KLRC1: variants seen among roughly 807,000 people sequenced by gnomAD.
The protein encoded by KLRC1 is killer cell lectin like receptor C1.
In KLRC1, 22 loss-of-function variants were observed where a neutral mutation model predicts 25.9. The ratio of observed to expected loss-of-function variants is 0.85; its 90% CI spans 0.61 to 1.21. The LOEUF (loss-of-function observed/expected upper bound fraction) is 1.21. KLRC1 is among the 50% of genes most tolerant of loss of function. KLRC1 has a pLI of 0.00. For synonymous variants in KLRC1, 77 were observed against 93.1 expected, an observed-to-expected ratio of 0.83 and a Z score of 0.99; for missense variants, 240 against 272.2, an observed-to-expected ratio of 0.88 and a Z score of 0.83.
chr12:10,449,867 G>GA, intron 4 of KLRC1, 47 bp downstream of exon 4: 6 of 1,363,380 alleles, frequency 4.4e-6, no homozygotes, highest in Non-Finnish European at 5.8e-6. Flanking sequence ...CTAAGATCAA[G>GA]AAAAAATAAA....
chr12:10,449,254 C>G lies in KLRC1; in HGVS notation c.472G>C (p.Asp158His). 1 of 1,613,822 alleles carries G rather than the reference C, an allele frequency of 6.2e-7. No homozygotes were observed. The highest frequency in any genetic ancestry group is 1.1e-5 in the South Asian group (1 of 91,064). The change falls in exon 5 of 7, where the codon GAT (aspartate) becomes CAT (histidine). Residue 158 changes from aspartate (D) to histidine (H), a missense_variant. Transcript: ENST00000359151. ...TSKNSSLLSI[D>H]NEEEMKFLSI... ...CATCTTACCATTTCTTCTTCATTAT[C>G]TATAGAAAGCAGACTGGAGTTCTTC...
At position 10,451,108 on chromosome 12, in the gene KLRC1, G is replaced by C; in HGVS notation, c.49C>G (p.Pro17Ala). ...TTAGGTTTTCGTTGCTGCCTCTTTG[G>C]GTTTGGGGGCAGATTCAGGTCTGAG... ...IYSDLNLPPNPKRQQRKPKGN... is the reference protein window; with the variant it reads ...IYSDLNLPPNAKRQQRKPKGN... Residue 17 changes from proline to alanine, a missense_variant, in exon 2 of 7, where the codon CCA becomes GCA. Pro to Ala is a conservative substitution (Grantham distance 27, BLOSUM62 -1). Coordinates refer to ENST00000359151, the MANE Select transcript of KLRC1 (RefSeq NM_002259.5). 1 of 1,613,982 alleles carries C rather than the reference G, an allele frequency of 6.2e-7. No homozygotes were observed. Among genetic ancestry groups the C allele is most frequent in the South Asian group, 1.1e-5 (1 of 91,076 alleles).
chr12:10,447,932 A>T (rs34172857), intron 5 of KLRC1, among the ~76,000 whole-genome samples: 12 of 152,156 alleles, frequency 7.9e-5, no homozygotes, highest in East Asian at 5.8e-4. Flanking sequence ...ACTAAATCAA[A>T]CTATTTTTGT....
chr12:10,450,406 T>G (rs545126538), intron 3 of KLRC1, 78 bp downstream of exon 3: 3 of 777,830 alleles, frequency 3.9e-6, no homozygotes, highest in Non-Finnish European at 6.5e-6. Context: ...CTCTATTCCC[T>G]GAAAATATGA....
Position 10,446,446 on chromosome 12 carries a change from G to A in KLRC1, c.*105C>T. The stretch of plus-strand genomic sequence containing the variant: ...TAATTGATTTAGAATTTTCTTATTA[G>A]AGCAAATAACATAATTCATTTTAAG... On this transcript the variant is annotated 3_prime_UTR_variant, in exon 7 of 7. Coordinates refer to ENST00000359151, the MANE Select transcript of KLRC1 (RefSeq NM_002259.5). 4 of 1,435,304 alleles carry A rather than the reference G, an allele frequency of 2.8e-6. No individual in the cohort carries two copies. Among genetic ancestry groups the A allele is most frequent in the Non-Finnish European group, 3.7e-6 (4 of 1,084,610 alleles). The allele number at this position is 1,435,304 out of a possible 1,614,324, so 88.9% of individuals were successfully genotyped here. A position where few individuals can be genotyped will look rare whatever the true frequency, so the allele number is the denominator to read the frequency against.
chr12:10,451,725 C>A (rs1864131506), intron 1 of KLRC1, among the ~76,000 whole-genome samples: 1 of 151,844 alleles, frequency 6.6e-6, no homozygotes, highest in Admixed American at 6.6e-5. Context: ...CAATAAATTA[C>A]TAAGGAATAA....
chr12:10,449,683 T>C (rs553992347), intron 4 of KLRC1, among the ~76,000 whole-genome samples: 2 of 152,308 alleles, frequency 1.3e-5, no homozygotes, highest in East Asian at 3.9e-4. Flanking sequence ...GAACAATAAA[T>C]AACTTGTATC....
Position 10,446,436 on chromosome 12 carries a change from T to G in KLRC1, c.*115A>C. ...CCTGTTTCAATAATTGATTTAGAAT[T>G]TTCTTATTAGAGCAAATAACATAAT... On this transcript the variant is annotated 3_prime_UTR_variant, in exon 7 of 7. Coordinates refer to ENST00000359151, the MANE Select transcript of KLRC1 (RefSeq NM_002259.5). The G allele has an allele frequency of 7.0e-7, 1 of 1,435,924 alleles. No individual in the cohort carries two copies. The highest frequency in any genetic ancestry group is 2.5e-5 in the East Asian group (1 of 39,402). 88.9% of individuals were successfully genotyped at this position (1,435,924 alleles called of 1,614,324 possible).
chr12:10,449,508 G>A (rs963064486), intron 4 of KLRC1, 120 bp from the exon 5 acceptor site: 1 of 1,489,342 alleles, frequency 6.7e-7, no homozygotes, highest in Non-Finnish European at 9.0e-7. Flanking sequence ...ATCTTCATGG[G>A]CTGGTAAATA....
intron 3 of KLRC1, 58 bp from the exon 4 acceptor site, chr12:10,450,025 TTTTAAG>T (rs3216778): frequency 0.34 from 428,694 of 1,258,806 alleles, 76,352 homozygotes; most frequent in African/African-American, 0.54. Context: ...ATCATAATAA[TTTTAAG>T]TTTTTGTTTG....
chr12:10,453,797 T>C (rs1287665800), upstream of KLRC1, among the ~76,000 whole-genome samples: 2 of 146,678 alleles, frequency 1.4e-5, no homozygotes, highest in East Asian at 1.9e-4. Context: ...AATTACTCAA[T>C]TGATTGTAGC....
Position 10,452,048 on chromosome 12 carries a change from A to G in KLRC1, c.-31-861T>C, listed in dbSNP as rs1459846155. 1.3e-5 allele frequency among the ~76,000 whole-genome samples: 2 copies of G among 151,858 alleles called. 1 individual carries two copies. Among genetic ancestry groups the G allele is most frequent in the East Asian group, 3.8e-4 (2 of 5,204 alleles). Reference sequence around the variant, plus strand: ...TATTAAAAATTATTTATTAAAAATTATAAAAAATTAAATATTTGTATATGA... The same window carrying G: ...TATTAAAAATTATTTATTAAAAATTGTAAAAAATTAAATATTTGTATATGA... On this transcript the variant is annotated intron_variant, in intron 1 of 6. Coordinates refer to ENST00000359151, the MANE Select transcript of KLRC1 (RefSeq NM_002259.5).
chr12:10,450,080 T>C, intron 3 of KLRC1, 113 bp from the exon 4 acceptor site: 3 of 848,430 alleles, frequency 3.5e-6, no homozygotes, highest in Non-Finnish European at 4.9e-6. Context: ...TAATATGGAA[T>C]AAAATTGATT....
chr12:10,449,218 T>C lies in KLRC1; in HGVS notation c.489+19A>G. On this transcript the variant is annotated intron_variant, in intron 5 of 6. Coordinates refer to ENST00000359151, the MANE Select transcript of KLRC1 (RefSeq NM_002259.5). The stretch of plus-strand genomic sequence containing the variant: ...CGAAAGAAGCTTTTCATAAAGTGTT[T>C]AAAACATTTACATCTTACCATTTCT... 1 of 1,613,488 alleles carries C rather than the reference T, an allele frequency of 6.2e-7. No homozygotes were observed. Among genetic ancestry groups the C allele is most frequent in the Non-Finnish European group, 8.5e-7 (1 of 1,179,558 alleles).
At chr12:10,454,422 C>G (rs1864176029), upstream of KLRC1, 1 of 163,092 alleles carries the variant, frequency 6.1e-6, no homozygotes, top group South Asian at 2.0e-4. Flanking sequence ...GCTGCCAAAA[C>G]CATTTGCCCA....
At position 10,449,354 on chromosome 12, in the gene KLRC1, A is replaced by G. The variant is rs771736504; in HGVS notation, c.372T>C (p.Ile124=). 3.1e-6 allele frequency: 5 copies of G among 1,613,908 alleles called. No individual in the cohort carries two copies. In the South Asian group the frequency reaches 5.5e-5, roughly 18 times the overall value. Residue 124 remains isoleucine (I), a synonymous_variant, in exon 5 of 7, where the codon ATT becomes ATC. Coordinates refer to ENST00000359151, the MANE Select transcript of KLRC1 (RefSeq NM_002259.5). ...TGTAGTAACAACTGTTGGAATATGTAATCCACTCCTCAGGACAATGGCCAC... is the reference window on the plus strand; with the variant it reads ...TGTAGTAACAACTGTTGGAATATGTGATCCACTCCTCAGGACAATGGCCAC... ...RHCGHCPEEW[I]TYSNSCYYIG...
At chr12:10,446,863 T>C (rs1184119937) in intron 6 of KLRC1, among the ~76,000 whole-genome samples, 2 of 152,168 alleles carry the variant, frequency 1.3e-5, no homozygotes, top group African/African-American at 4.8e-5. Flanking sequence ...AAGATTCCAG[T>C]GGATGCCTGA....
chr12:10,450,111 T>A, intron 3 of KLRC1, 144 bp from the exon 4 acceptor site: 1 of 648,018 alleles, frequency 1.5e-6, no homozygotes, highest in Non-Finnish European at 2.3e-6. Context: ...TTTGATAAAG[T>A]AATGGTGGTT....
chr12:10,450,805 G>A (rs896084085), intron 2 of KLRC1, among the ~76,000 whole-genome samples, 165 bp downstream of exon 2: 1 of 152,256 alleles, frequency 6.6e-6, no homozygotes, highest in African/African-American at 2.4e-5. Flanking sequence ...TCAACAATGA[G>A]TTCAATCAGT....
Sources: allele counts gnomAD v4.1 joint callset (sites outside exome capture counted in the v4.1 genomes callset), GRCh38; gene constraint gnomAD v4.1.1; transcripts MANE v1.5; gene names NCBI Gene and HGNC (gene_info 2026-07-23, HGNC 2026-07-21).